WDR7: variants seen among roughly 807,000 people sequenced by gnomAD.
WDR7 encodes the protein WD repeat-containing protein 7.
WDR7 carries 46 observed loss-of-function variants against 169.4 expected under a neutral mutation model. The ratio of observed to expected loss-of-function variants is 0.27; its 90% CI spans 0.21 to 0.35. WDR7 has a LOEUF of 0.35. WDR7 is among the 10% of genes least tolerant of loss of function. The pLI, the probability that WDR7 is intolerant of heterozygous loss-of-function variation, is 1.00. For missense variants in WDR7, 1,534 were observed against 1,859.3 expected, an observed-to-expected ratio of 0.83 and a Z score of 3.22; for synonymous variants, 612 against 666.8, an observed-to-expected ratio of 0.92 and a Z score of 1.27.
intron 21 of WDR7, among the ~76,000 whole-genome samples, chr18:56,900,064 A>G (rs865806313): frequency 3.6e-4 from 49 of 137,902 alleles, no homozygotes; most frequent in African/African-American, 1.3e-3. Flanking sequence ...ACATATATAT[A>G]TGTGTGTGTG....
intron 22 of WDR7, among the ~76,000 whole-genome samples, chr18:56,928,934 C>T (rs7226974): frequency 0.18 from 27,397 of 152,074 alleles, 4,619 homozygotes; most frequent in African/African-American, 0.45. Flanking sequence ...TAAAACAATT[C>T]GTTAAAGTAC....
intron 15 of WDR7, 120 bp downstream of exon 15, chr18:56,757,472 A>T (rs2043911551): frequency 3.9e-6 from 4 of 1,012,898 alleles, no homozygotes; most frequent in Non-Finnish European, 5.5e-6. Context: ...GTGTCATCTC[A>T]GTTGTTTCCC....
chr18:56,908,442 A>G (rs2046508934), intron 21 of WDR7, among the ~76,000 whole-genome samples: 2 of 152,198 alleles, frequency 1.3e-5, no homozygotes, highest in African/African-American at 4.8e-5. Flanking sequence ...TCATCTGGAG[A>G]AAACAATATG....
Position 56,967,361 on chromosome 18 carries a change from G to A in WDR7, c.4164+4832G>A, listed in dbSNP as rs184642334. Reference sequence around the variant, plus strand: ...CTGACTGTGCTTTTACTTGGGAACCGCCAGCAATTTAGGAACATACCTGAC... The same window carrying A: ...CTGACTGTGCTTTTACTTGGGAACCACCAGCAATTTAGGAACATACCTGAC... On this transcript the variant is annotated intron_variant, in intron 26 of 27. Transcript: ENST00000254442. Among the ~76,000 whole-genome samples the A allele has an allele frequency of 9.2e-5, 14 of 152,078 alleles. No homozygotes were observed. In the East Asian group the frequency reaches 1.9e-3, roughly 21 times the overall value.
intron 22 of WDR7, among the ~76,000 whole-genome samples, chr18:56,934,572 G>C (rs2046932493): frequency 6.6e-6 from 1 of 152,226 alleles, no homozygotes; most frequent in Middle Eastern, 3.4e-3. Flanking sequence ...ATGGGAAAAA[G>C]AAGAGAGACA....
chr18:56,815,026 C>T (rs17090366), intron 19 of WDR7, among the ~76,000 whole-genome samples: 1,673 of 152,210 alleles, frequency 0.011, 33 homozygotes, highest in African/African-American at 0.038. Flanking sequence ...AAGGTTCTTC[C>T]TCTTTTGGTG....
chr18:56,918,910 G>A (rs900478519), intron 21 of WDR7, among the ~76,000 whole-genome samples: 5 of 152,192 alleles, frequency 3.3e-5, no homozygotes, highest in Middle Eastern at 3.2e-3. Flanking sequence ...TTTCTTGAAT[G>A]TCATTTGGCC....
intron 2 of WDR7, among the ~76,000 whole-genome samples, chr18:56,676,805 G>C (rs951098035): frequency 9.7e-5 from 11 of 113,556 alleles, no homozygotes; most frequent in African/African-American, 3.0e-4. Context: ...TGTCTTCCTG[G>C]GCTCAGGCAA....
intron 14 of WDR7, among the ~76,000 whole-genome samples, chr18:56,754,273 GTGTGTGTGTGTGTATA>G (rs1555686089): frequency 6.1e-4 from 89 of 146,984 alleles, no homozygotes; most frequent in African/African-American, 2.1e-3. Flanking sequence ...GTGTGTGTGT[GTGTGTGTGTGTGTATA>G]TGTGTGTGTG....
intron 13 of WDR7, among the ~76,000 whole-genome samples, chr18:56,723,771 ATTT>A (rs2026375424): frequency 6.6e-6 from 1 of 151,918 alleles, no homozygotes; most frequent in South Asian, 2.1e-4. Context: ...ATTCAAATAT[ATTT>A]TCTCCCCTCC....
chr18:56,837,613 A>G (rs978028083), intron 20 of WDR7, among the ~76,000 whole-genome samples: 1 of 152,234 alleles, frequency 6.6e-6, no homozygotes, highest in Non-Finnish European at 1.5e-5. Flanking sequence ...TGATTTATTG[A>G]AATGAAATTT....
intron 20 of WDR7, among the ~76,000 whole-genome samples, chr18:56,849,750 TAAAACAAAAC>T (rs367809400): frequency 1.5e-3 from 221 of 152,216 alleles, no homozygotes; most frequent in Non-Finnish European, 2.2e-3. Flanking sequence ...ATAGCTTTTT[TAAAACAAAAC>T]AAAACAAAAC....
At chr18:57,022,428 T>C (rs2048305847) in intron 27 of WDR7, among the ~76,000 whole-genome samples, 1 of 152,212 alleles carries the variant, frequency 6.6e-6, no homozygotes, top group African/African-American at 2.4e-5. Flanking sequence ...GATCAGTAAG[T>C]CATGGGTCCG....
At chr18:57,024,301 C>T (rs1167063783) in intron 27 of WDR7, among the ~76,000 whole-genome samples, 5 of 152,050 alleles carry the variant, frequency 3.3e-5, no homozygotes, top group Admixed American at 2.0e-4. Flanking sequence ...TGTATCCAGT[C>T]GCTGTTCAAG....
intron 21 of WDR7, among the ~76,000 whole-genome samples, chr18:56,883,230 A>AAAAAG (rs1568247087): frequency 1.3e-5 from 2 of 148,344 alleles, no homozygotes; most frequent in African/African-American, 2.5e-5. Context: ...AAAAAAAAAA[A>AAAAAG]GCAGGAAGGT....
At chr18:56,818,626 G>A (rs925100080) in intron 20 of WDR7, among the ~76,000 whole-genome samples, 1 of 152,156 alleles carries the variant, frequency 6.6e-6, no homozygotes, top group African/African-American at 2.4e-5. Context: ...CCTTTAAATT[G>A]TGTGACTCGA....
At chr18:56,756,191 G>A (rs1422300976) in intron 14 of WDR7, among the ~76,000 whole-genome samples, 1 of 152,184 alleles carries the variant, frequency 6.6e-6, no homozygotes, top group Non-Finnish European at 1.5e-5. Context: ...CAACTTAAAG[G>A]ATCAGGAGCC....
chr18:56,659,008 G>T (rs1335040410), intron 1 of WDR7, among the ~76,000 whole-genome samples: 1 of 152,084 alleles, frequency 6.6e-6, no homozygotes, highest in Non-Finnish European at 1.5e-5. Context: ...GAGCCACCGC[G>T]CCCGGCCCCC....
At chr18:56,809,979 A>AT (rs959973505) in intron 19 of WDR7, among the ~76,000 whole-genome samples, 6 of 152,020 alleles carry the variant, frequency 3.9e-5, no homozygotes, top group African/African-American at 1.4e-4. Flanking sequence ...CACTGATTTC[A>AT]TTTTTGTTTT....
Sources: allele counts gnomAD v4.1 joint callset (sites outside exome capture counted in the v4.1 genomes callset), GRCh38; gene constraint gnomAD v4.1.1; transcripts MANE v1.5; gene names NCBI Gene and HGNC (gene_info 2026-07-23, HGNC 2026-07-21).